The following MYH14 variants were observed in gnomAD, a reference collection of about 807,000 sequenced individuals.
MYH14 encodes myosin-14.
A neutral mutation model predicts 255.5 loss-of-function variants in MYH14; 123 were observed. The ratio of observed to expected loss-of-function variants is 0.48; its 90% CI spans 0.42 to 0.56. The LOEUF is 0.56. Among genes scored for constraint, MYH14 ranks in the 20% least tolerant of loss-of-function variants. The pLI is 0.00. For synonymous variants in MYH14, 1,095 were observed against 1,161.2 expected, an observed-to-expected ratio of 0.94 and a Z score of 1.16; for missense variants, 2,423 against 2,802.3, an observed-to-expected ratio of 0.86 and a Z score of 3.06.
At position 50,230,834 on chromosome 19, in the gene MYH14, G is replaced by T; in HGVS notation, c.973+211G>T. ...TGCGCTCTGGTTCCAGCTCTGTCCC[G>T]GGTCTGGCTCGCGCCCGCTGTCACG... On this transcript the variant is annotated intron_variant, in intron 9 of 42. Coordinates refer to ENST00000642316, the MANE Select transcript of MYH14 (RefSeq NM_001145809.2). The surrounding 1 kb of genome is among the most constrained non-coding windows in gnomAD (Gnocchi z 4.7). The T allele has an allele frequency of 1.8e-6, 1 of 556,460 alleles. No individual in the cohort carries two copies. Among genetic ancestry groups the T allele is most frequent in the Non-Finnish European group, 3.2e-6 (1 of 311,778 alleles). The allele number at this position is 556,460 out of a possible 1,614,324, so 34.5% of individuals were successfully genotyped here. A position where few individuals can be genotyped will look rare whatever the true frequency, so the allele number is the denominator to read the frequency against.
chr19:50,234,324 G>A (rs941322503), intron 10 of MYH14, among the ~76,000 whole-genome samples: 12 of 152,174 alleles, frequency 7.9e-5, no homozygotes, highest in South Asian at 2.1e-4. Context: ...CATTGTTTGC[G>A]TGAACTATGA....
chr19:50,295,000 ATTAAGTTTTTT>A (rs1193719486), intron 39 of MYH14, among the ~76,000 whole-genome samples: 1 of 144,866 alleles, frequency 6.9e-6, no homozygotes. Flanking sequence ...TAGAGAAGAG[ATTAAGTTTTTT>A]TTTTTTTTTT....
chr19:50,305,130 C>T lies in MYH14; in HGVS notation c.5679-1919C>T, dbSNP rs111433705. On this transcript the variant is annotated intron_variant, in intron 40 of 42. Coordinates refer to ENST00000642316, the MANE Select transcript of MYH14 (RefSeq NM_001145809.2). ...GAAGGCTGTGGGCTGGGGAGGGACA[C>T]GGCCAGCTCTAGGTATAGAAAGATC... Among the ~76,000 whole-genome samples the T allele has an allele frequency of 2.6e-3, 391 of 151,952 alleles. 1 individual carries two copies. Among genetic ancestry groups the T allele is most frequent in the African/African-American group, 8.6e-3 (355 of 41,426 alleles).
At chr19:50,215,212 G>A (rs2032409673) in intron 2 of MYH14, among the ~76,000 whole-genome samples, 1 of 152,098 alleles carries the variant, frequency 6.6e-6, no homozygotes, top group South Asian at 2.1e-4. Context: ...GGCAGGAGGG[G>A]CCAGGGTGGG....
intron 39 of MYH14, among the ~76,000 whole-genome samples, chr19:50,298,876 G>A (rs905411570): frequency 6.6e-6 from 1 of 152,154 alleles, no homozygotes; most frequent in Non-Finnish European, 1.5e-5. Context: ...GAGACCAAGA[G>A]TTCAAGACCA....
chr19:50,214,826 G>A (rs1217928668), intron 2 of MYH14, among the ~76,000 whole-genome samples: 3 of 152,104 alleles, frequency 2.0e-5, no homozygotes, highest in Non-Finnish European at 4.4e-5. Context: ...GGGCTCCCAG[G>A]TAGGATGAGT....
At chr19:50,213,646 G>T (rs1325201872) in intron 2 of MYH14, among the ~76,000 whole-genome samples, 1 of 152,142 alleles carries the variant, frequency 6.6e-6, no homozygotes, top group Non-Finnish European at 1.5e-5. Flanking sequence ...GCTGGGTGCT[G>T]TTCTAAATTT....
chr19:50,292,461 G>C (rs2036113008), intron 37 of MYH14, 72 bp downstream of exon 37: 1 of 1,351,570 alleles, frequency 7.4e-7, no homozygotes, highest in Non-Finnish European at 9.7e-7. Context: ...GAGGTCCCTG[G>C]ATGTGAAGCT....
At chr19:50,207,257 AAGAGAGAGAGAGAC>A (rs2031829087) in intron 1 of MYH14, among the ~76,000 whole-genome samples, 2 of 27,012 alleles carry the variant, frequency 7.4e-5, no homozygotes, top group South Asian at 1.5e-3. Flanking sequence ...GAGAGAGAGA[AAGAGAGAGAGAGAC>A]AGAGAGAGAG....
In MYH14 at chr19:50,276,467, A is replaced by C. The variant is rs984649765; in HGVS notation, c.3680+264A>C. ...GAACAAGGGGTGCTTTAGCGGAGTA[A>C]CACGGGGCACTGTGGGTGATAAGTG... On this transcript the variant is annotated intron_variant, in intron 28 of 42. Coordinates refer to ENST00000642316, the MANE Select transcript of MYH14 (RefSeq NM_001145809.2). The surrounding 1 kb of genome is among the most constrained non-coding windows in gnomAD (Gnocchi z 4.3). 6.6e-6 allele frequency among the ~76,000 whole-genome samples: 1 copy of C among 152,134 alleles called. No homozygotes were observed. The highest frequency in any genetic ancestry group is 1.5e-5 in the Non-Finnish European group (1 of 68,008).
At chr19:50,224,032 T>TGGCCCCGCC in intron 5 of MYH14, 122 bp from the exon 6 acceptor site, 1 of 610,330 alleles carries the variant, frequency 1.6e-6, no homozygotes, top group Non-Finnish European at 3.0e-6. Context: ...ATGCCCGGTT[T>TGGCCCCGCC]CCCCAGTCCC....
In MYH14 at chr19:50,225,631, C is replaced by G; in HGVS notation, c.764C>G (p.Ala255Gly). 6.2e-7 allele frequency: 1 copy of G among 1,613,886 alleles called. No individual in the cohort carries two copies. The highest frequency in any genetic ancestry group is 1.7e-5 in the Admixed American group (1 of 60,000). The change falls in exon 7 of 43, where the codon GCC becomes GGC. Residue 255 changes from alanine (A) to glycine (G), a missense_variant. Physicochemically the swap from Ala to Gly is moderately conservative, Grantham distance 60. Transcript: ENST00000642316. ...QLLQANPILE[A>G]FGNAKTVKND... ...CTTCAGGCCAACCCCATCCTAGAGG[C>G]CTTTGGCAATGCCAAGACAGTGAAG...
chr19:50,206,007 C>T (rs550866559), intron 1 of MYH14, among the ~76,000 whole-genome samples: 1 of 152,276 alleles, frequency 6.6e-6, no homozygotes, highest in Admixed American at 6.5e-5. Context: ...CTTTCACCTG[C>T]CCAGGTGACA....
intron 16 of MYH14, among the ~76,000 whole-genome samples, 173 bp from the exon 17 acceptor site, chr19:50,255,047 T>C (rs2034540739): frequency 6.6e-6 from 1 of 152,250 alleles, no homozygotes; most frequent in Admixed American, 6.5e-5. Context: ...TTCAGAAGTT[T>C]ATGGCCAACA....
chr19:50,263,222 GAAAAT>G (rs2034952924), intron 21 of MYH14, 85 bp from the exon 22 acceptor site: 4 of 863,256 alleles, frequency 4.6e-6, no homozygotes, highest in Non-Finnish European at 6.7e-6. Context: ...AACAAACAAA[GAAAAT>G]AAATAAGAAA....
intron 10 of MYH14, among the ~76,000 whole-genome samples, chr19:50,235,792 C>G (rs1262635764): frequency 6.6e-6 from 1 of 151,778 alleles, no homozygotes; most frequent in African/African-American, 2.4e-5. Flanking sequence ...CAAAACACCC[C>G]AAAACAAAGA....
chr19:50,215,627 C>T (rs1252351673), intron 2 of MYH14, among the ~76,000 whole-genome samples: 2 of 152,172 alleles, frequency 1.3e-5, no homozygotes, highest in African/African-American at 2.4e-5. Flanking sequence ...GCCTGGGCAA[C>T]ATAGTGAGAC....
At chr19:50,228,038 C>T (rs1600889956) in intron 8 of MYH14, among the ~76,000 whole-genome samples, 2 of 152,142 alleles carry the variant, frequency 1.3e-5, no homozygotes, top group South Asian at 4.1e-4. Context: ...AATCCCAGCA[C>T]TTTGGGAGGC....
intron 23 of MYH14, among the ~76,000 whole-genome samples, chr19:50,267,869 T>C (rs2035147224): frequency 2.0e-5 from 3 of 151,652 alleles, no homozygotes; most frequent in African/African-American, 7.3e-5. Context: ...CCTGAGCCTG[T>C]TGGGGCTGTA....
Sources: gnomAD v4.1 joint callset for allele counts (sites outside exome capture counted in the v4.1 genomes callset) on GRCh38, gnomAD v4.1.1 for gene constraint, Gnocchi (gnomAD v3.1) non-coding constraint, MANE v1.5 for transcripts, NCBI Gene and HGNC (gene_info 2026-07-23, HGNC 2026-07-21) for gene names.